ANGPTL2: variants seen among roughly 807,000 people sequenced by gnomAD.
The protein encoded by ANGPTL2 is angiopoietin like 2.
Under a neutral mutation model 52.8 loss-of-function variants are expected in ANGPTL2, and 25 were observed. The observed-to-expected ratio is 0.47, with a 90% confidence interval of 0.35 to 0.66. The LOEUF is 0.66. ANGPTL2 is among the 30% of genes least tolerant of loss of function. The pLI is 0.01. For synonymous variants in ANGPTL2, 276 were observed against 277.4 expected (o/e 1.00, Z 0.05); for missense variants, 546 against 656.9 (o/e 0.83, Z 1.84).
intron 1 of ANGPTL2, among the ~76,000 whole-genome samples, chr9:127,118,340 G>T (rs771418229): frequency 6.6e-6 from 1 of 152,212 alleles, no homozygotes; most frequent in Non-Finnish European, 1.5e-5. Context: ...CCCAGAATGA[G>T]GCTTCTGACG....
intron 1 of ANGPTL2, among the ~76,000 whole-genome samples, chr9:127,114,481 C>T (rs765598046): frequency 3.3e-5 from 5 of 152,336 alleles, no homozygotes; most frequent in South Asian, 2.1e-4. Context: ...TTCTCTGACC[C>T]TCTAGGCAGG....
chr9:127,095,406 A>T (rs2417047), intron 2 of ANGPTL2, among the ~76,000 whole-genome samples: 65,981 of 152,108 alleles, frequency 0.43, 15,280 homozygotes, highest in South Asian at 0.63. Context: ...CCGTCTCAAA[A>T]AAATAAATAA....
intron 1 of ANGPTL2, among the ~76,000 whole-genome samples, chr9:127,120,867 T>G (rs1564619266): frequency 6.6e-6 from 1 of 152,050 alleles, no homozygotes; most frequent in Non-Finnish European, 1.5e-5. Context: ...GCTCTTCCCT[T>G]CCCTCTGTGC....
At chr9:127,107,787 G>A in intron 2 of ANGPTL2, 128 bp downstream of exon 2, 1 of 945,502 alleles carries the variant, frequency 1.1e-6, no homozygotes, top group Non-Finnish European at 1.5e-6. Context: ...AGGGATTGCT[G>A]GGGGATTGTG....
At chr9:127,109,426 A>G (rs2054581226) in intron 1 of ANGPTL2, among the ~76,000 whole-genome samples, 1 of 152,358 alleles carries the variant, frequency 6.6e-6, no homozygotes, top group East Asian at 1.9e-4. Context: ...TTAGTGGACA[A>G]TATCAGTGGA....
rs1444431213 is a variant in ANGPTL2 at position 127,091,759 on chromosome 9, C to G, written c.1193G>C (p.Gly398Ala). The change falls in exon 4 of 5, where the codon GGG becomes GCG. Residue 398 changes from glycine (G) to alanine (A), a missense_variant. This residue lies in a region of ANGPTL2 where 261 missense variants were observed against 361.0 expected (regional missense o/e 0.72). Transcript: ENST00000373425. The surrounding 1 kb of genome is among the most constrained non-coding windows in gnomAD (Gnocchi z 4.3). The stretch of plus-strand genomic sequence containing the variant: ...GTCACCCGCATTGCCATGGTAGCGC[C>G]CCAGCCGCAGCTTATAATACTCGCT... The part of the protein sequence containing the change: ...PESEYYKLRL[G>A]RYHGNAGDSF... The G allele has an allele frequency of 6.2e-7, 1 of 1,614,150 alleles. No individual in the cohort carries two copies.
rs2052514575 is a variant in ANGPTL2 at position 127,091,818 on chromosome 9, A to G, written c.1134T>C (p.Phe378=). The G allele has an allele frequency of 1.2e-6, 2 of 1,614,170 alleles. No individual in the cohort carries two copies. Among genetic ancestry groups the G allele is most frequent in the Non-Finnish European group, 1.7e-6 (2 of 1,180,012 alleles). ...CCAGGCGGAAACTGGCGTATTCTGC[A>G]AAGACTTTGCGGCCGGACCAGTCCT... ...TMEDWSGRKV[F]AEYASFRLEP... Residue 378 remains phenylalanine (F), a synonymous_variant, in exon 4 of 5, where the codon TTT becomes TTC. Coordinates refer to ENST00000373425, the MANE Select transcript of ANGPTL2 (RefSeq NM_012098.3). This position sits in a 1 kb window ranked among gnomAD's most constrained non-coding sequence, Gnocchi z 4.3.
chr9:127,104,227 A>G (rs1438148130), intron 2 of ANGPTL2, among the ~76,000 whole-genome samples: 1 of 152,170 alleles, frequency 6.6e-6, no homozygotes, highest in Non-Finnish European at 1.5e-5. Flanking sequence ...TTTAAAGATT[A>G]GTTTCTGACA....
In ANGPTL2 at chr9:127,088,875, G is replaced by T. The variant is rs956737908; in HGVS notation, c.*64C>A. 9 of 1,586,990 alleles carry T rather than the reference G, an allele frequency of 5.7e-6. No individual in the cohort carries two copies. The highest frequency in any genetic ancestry group is 6.9e-6 in the Non-Finnish European group (8 of 1,156,438). On this transcript the variant is annotated 3_prime_UTR_variant, in exon 5 of 5. Transcript: ENST00000373425. ...CTGGTGAGGAGTTGTTCTTTGTGCT[G>T]TGGCCAGCGTGACCAGGGTGGGCTC... is the stretch of plus-strand genomic sequence containing the variant.
At chr9:127,102,231 T>G (rs1350478459) in intron 2 of ANGPTL2, among the ~76,000 whole-genome samples, 1 of 152,210 alleles carries the variant, frequency 6.6e-6, no homozygotes, top group Non-Finnish European at 1.5e-5. Flanking sequence ...GACTGGGTAA[T>G]TTATAAAGAA....
At chr9:127,102,613 CTGCCT>C (rs1245359710) in intron 2 of ANGPTL2, among the ~76,000 whole-genome samples, 3 of 152,114 alleles carry the variant, frequency 2.0e-5, no homozygotes, top group Non-Finnish European at 4.4e-5. Context: ...CTTTGGAAAA[CTGCCT>C]GAGGAATGGA....
intron 2 of ANGPTL2, among the ~76,000 whole-genome samples, chr9:127,105,429 C>T (rs1440954346): frequency 6.6e-6 from 1 of 152,144 alleles, no homozygotes; most frequent in African/African-American, 2.4e-5. Context: ...GCCCCTGGGC[C>T]CTTGCACAGA....
At chr9:127,113,715 C>T (rs1237912683) in intron 1 of ANGPTL2, among the ~76,000 whole-genome samples, 2 of 152,234 alleles carry the variant, frequency 1.3e-5, no homozygotes, top group East Asian at 1.9e-4. Flanking sequence ...TTTTCCCTCC[C>T]CACAAGTGAG....
At chr9:127,096,584 C>T (rs958196093) in intron 2 of ANGPTL2, among the ~76,000 whole-genome samples, 5 of 152,148 alleles carry the variant, frequency 3.3e-5, no homozygotes, top group African/African-American at 9.7e-5. Flanking sequence ...CCTTTGTGGG[C>T]GCCATGAATG....
At chr9:127,109,570 A>G (rs1189609924) in intron 1 of ANGPTL2, among the ~76,000 whole-genome samples, 1 of 152,200 alleles carries the variant, frequency 6.6e-6, no homozygotes, top group Admixed American at 6.5e-5. Flanking sequence ...GACCACTGCA[A>G]CGTGATTAAG....
At chr9:127,110,370 T>G in intron 1 of ANGPTL2, among the ~76,000 whole-genome samples, 1 of 152,184 alleles carries the variant, frequency 6.6e-6, no homozygotes, top group East Asian at 1.9e-4. Flanking sequence ...TGCCGGCTGT[T>G]CCTCCTCAGA....
chr9:127,100,717 A>G (rs13298677), intron 2 of ANGPTL2, among the ~76,000 whole-genome samples: 20,700 of 152,208 alleles, frequency 0.14, 1,746 homozygotes, highest in Middle Eastern at 0.27. Flanking sequence ...CAGGCACATC[A>G]TGGAAGAACT....
At chr9:127,120,694 G>C (rs907268548) in intron 1 of ANGPTL2, among the ~76,000 whole-genome samples, 1 of 152,170 alleles carries the variant, frequency 6.6e-6, no homozygotes, top group Non-Finnish European at 1.5e-5. Flanking sequence ...TGGGCGTGGT[G>C]GTGGGCACCT....
At chr9:127,102,028 G>A (rs1008304183) in intron 2 of ANGPTL2, among the ~76,000 whole-genome samples, 16 of 152,052 alleles carry the variant, frequency 1.1e-4, no homozygotes, top group South Asian at 2.1e-4. Context: ...CCAGATTCAT[G>A]CCAGGGAGAG....
Sources: gnomAD v4.1 joint callset for allele counts (sites outside exome capture counted in the v4.1 genomes callset) on GRCh38, gnomAD v4.1.1 for gene constraint, gnomAD v4.1.1 regional missense constraint, Gnocchi (gnomAD v3.1) non-coding constraint, MANE v1.5 for transcripts, NCBI Gene and HGNC (gene_info 2026-07-23, HGNC 2026-07-21) for gene names.